MACROD2: variants seen among roughly 807,000 people sequenced by gnomAD.
MACROD2 encodes ADP-ribose glycohydrolase MACROD2.
A neutral mutation model predicts 70.4 loss-of-function variants in MACROD2; 36 were observed. That is an observed-to-expected ratio of 0.51 (90% CI 0.39 to 0.68). The LOEUF (loss-of-function observed/expected upper bound fraction) is 0.68. MACROD2 is among the 30% of genes least tolerant of loss of function. The probability of loss-of-function intolerance (pLI) is 0.00; values close to 1 mark genes in which losing one functional copy is unlikely to be tolerated. For synonymous variants in MACROD2, 172 were observed against 178.8 expected, an observed-to-expected ratio of 0.96 and a Z score of 0.30; for missense variants, 496 against 538.4, an observed-to-expected ratio of 0.92 and a Z score of 0.78.
chr20:14,070,639 C>T (rs1164860751), intron 2 of MACROD2, among the ~76,000 whole-genome samples: 1 of 151,960 alleles, frequency 6.6e-6, no homozygotes, highest in African/African-American at 2.4e-5. Flanking sequence ...AAATCTGTAT[C>T]CACATGGCTG....
At chr20:14,029,623 TGAAGTGGAC>T (rs1298319695) in intron 2 of MACROD2, among the ~76,000 whole-genome samples, 4 of 152,186 alleles carry the variant, frequency 2.6e-5, no homozygotes, top group African/African-American at 9.7e-5. Context: ...TACTTCTGAA[TGAAGTGGAC>T]TCTGACAGTG....
intron 5 of MACROD2, among the ~76,000 whole-genome samples, chr20:15,219,778 A>G (rs2076841998): frequency 6.6e-6 from 1 of 152,174 alleles, no homozygotes; most frequent in Non-Finnish European, 1.5e-5. Context: ...TTTTAAAGAA[A>G]TGTGAATAGT....
chr20:15,158,802 C>CA (rs769332558), intron 5 of MACROD2, among the ~76,000 whole-genome samples: 15 of 152,102 alleles, frequency 9.9e-5, no homozygotes, highest in Non-Finnish European at 2.1e-4. Flanking sequence ...GTTGAGTAGA[C>CA]TGCAAAATAG....
At chr20:14,586,577 C>G (rs1981395255) in intron 4 of MACROD2, among the ~76,000 whole-genome samples, 1 of 152,028 alleles carries the variant, frequency 6.6e-6, no homozygotes, top group African/African-American at 2.4e-5. Context: ...CTGTAGTTAA[C>G]TGATTCTGAA....
At chr20:15,085,111 T>C (rs560564025) in intron 5 of MACROD2, among the ~76,000 whole-genome samples, 1 of 152,270 alleles carries the variant, frequency 6.6e-6, no homozygotes, top group African/African-American at 2.4e-5. Context: ...CACATAATGG[T>C]CCATTGTTTT....
chr20:14,631,539 G>A (rs544354920), intron 4 of MACROD2, among the ~76,000 whole-genome samples: 3 of 152,296 alleles, frequency 2.0e-5, no homozygotes, highest in African/African-American at 7.2e-5. Context: ...GGGAGGCCGA[G>A]GTGGGCAGAT....
At chr20:14,823,232 T>C (rs2072866990) in intron 5 of MACROD2, among the ~76,000 whole-genome samples, 1 of 152,136 alleles carries the variant, frequency 6.6e-6, no homozygotes, top group Non-Finnish European at 1.5e-5. Context: ...GTTGATCTTC[T>C]TCAGAAATAT....
chr20:16,050,107 A>G lies in MACROD2; in HGVS notation c.*231A>G. On this transcript the variant is annotated 3_prime_UTR_variant, in exon 18 of 18. Coordinates refer to ENST00000684519, the MANE Select transcript of MACROD2 (RefSeq NM_001351661.2). ...TTGGTGGAGGGACCCATGTTGACGCATCTTTCAGGCATTATCCTTGTAATT... is the reference window on the plus strand; with the variant it reads ...TTGGTGGAGGGACCCATGTTGACGCGTCTTTCAGGCATTATCCTTGTAATT... 2.4e-6 allele frequency: 1 copy of G among 423,994 alleles called. No homozygotes were observed. The highest frequency in any genetic ancestry group is 3.0e-5 in the South Asian group (1 of 32,788). 26.3% of individuals were successfully genotyped at this position (423,994 alleles called of 1,614,324 possible).
At chr20:15,169,153 A>G (rs2076406169) in intron 5 of MACROD2, among the ~76,000 whole-genome samples, 1 of 152,192 alleles carries the variant, frequency 6.6e-6, no homozygotes. Flanking sequence ...TTAAAAGGGT[A>G]CATTTTATGT....
chr20:14,261,328 C>A (rs935103733), intron 3 of MACROD2, among the ~76,000 whole-genome samples: 3 of 152,166 alleles, frequency 2.0e-5, no homozygotes, highest in Admixed American at 2.0e-4. Context: ...GTAACAAAAT[C>A]CCTTTTGTTG....
chr20:14,965,179 TAAG>T (rs1167436351), intron 5 of MACROD2, among the ~76,000 whole-genome samples: 4 of 152,144 alleles, frequency 2.6e-5, no homozygotes, highest in Non-Finnish European at 5.9e-5. Context: ...TGGTGATTGT[TAAG>T]AAGCAGCTGG....
chr20:14,333,848 G>T (rs1165579403), intron 3 of MACROD2, among the ~76,000 whole-genome samples: 1 of 152,158 alleles, frequency 6.6e-6, no homozygotes, highest in Non-Finnish European at 1.5e-5. Context: ...CACATAAACT[G>T]ATCAATCCAC....
intron 10 of MACROD2, among the ~76,000 whole-genome samples, chr20:15,931,633 G>C (rs3859628): frequency 0.14 from 21,756 of 151,530 alleles, 1,679 homozygotes; most frequent in South Asian, 0.28. Context: ...ACACAGCAAG[G>C]CTCTGTGTCT....
At chr20:14,982,509 C>G (rs1486103794) in intron 5 of MACROD2, among the ~76,000 whole-genome samples, 2 of 152,102 alleles carry the variant, frequency 1.3e-5, no homozygotes. Flanking sequence ...TGGGCCACAC[C>G]AAGGGTCACC....
At chr20:14,077,983 A>G (rs2053936875) in intron 2 of MACROD2, among the ~76,000 whole-genome samples, 1 of 150,694 alleles carries the variant, frequency 6.6e-6, no homozygotes, top group Admixed American at 6.6e-5. Flanking sequence ...GCTCACTGCA[A>G]CCTCTGCCTC....
At chr20:15,768,489 T>C (rs6135499) in intron 8 of MACROD2, among the ~76,000 whole-genome samples, 4,741 of 152,276 alleles carry the variant, frequency 0.031, 356 homozygotes, top group East Asian at 0.3. Flanking sequence ...CTTGCAGGAC[T>C]GGAAGTTGCT....
At chr20:15,379,739 A>G (rs1356236083) in intron 6 of MACROD2, among the ~76,000 whole-genome samples, 1 of 152,164 alleles carries the variant, frequency 6.6e-6, no homozygotes, top group Non-Finnish European at 1.5e-5. Context: ...AGAGAGTCCT[A>G]GCTAGTCACT....
intron 8 of MACROD2, among the ~76,000 whole-genome samples, chr20:15,583,484 C>A (rs575074855): frequency 6.6e-6 from 1 of 152,232 alleles, no homozygotes; most frequent in East Asian, 1.9e-4. Flanking sequence ...GGAGCAGGAA[C>A]CCATGTAGCT....
rs1470667913 is a variant in MACROD2 at position 15,406,414 on chromosome 20, A to T, written c.541-24991A>T. On this transcript the variant is annotated intron_variant, in intron 6 of 17. Coordinates refer to ENST00000684519, the MANE Select transcript of MACROD2 (RefSeq NM_001351661.2). ...GCATGTTACCAGATGAGCCTCACTG[A>T]CCTTCTTTAATATGAGAATCTTTAA... 2.6e-5 allele frequency among the ~76,000 whole-genome samples: 4 copies of T among 152,286 alleles called. No homozygotes were observed. In the East Asian group the frequency reaches 5.8e-4, roughly 22 times the overall value.
Sources: allele counts gnomAD v4.1 joint callset (sites outside exome capture counted in the v4.1 genomes callset), GRCh38; gene constraint gnomAD v4.1.1; transcripts MANE v1.5; gene names NCBI Gene and HGNC (gene_info 2026-07-23, HGNC 2026-07-21).